SLC35D2: variants seen among roughly 807,000 people sequenced by gnomAD.
SLC35D2 encodes the protein solute carrier family 35 member D2.
SLC35D2 carries 43 observed loss-of-function variants against 41.8 expected under a neutral mutation model. That is an observed-to-expected ratio of 1.03 (90% CI 0.81 to 1.33). The LOEUF is 1.33. SLC35D2 is among the 40% of genes most tolerant of loss of function. The pLI is 0.00. For synonymous variants in SLC35D2, 150 were observed against 163.9 expected, an observed-to-expected ratio of 0.92 and a Z score of 0.65; for missense variants, 380 against 408.4, an observed-to-expected ratio of 0.93 and a Z score of 0.60.
chr9:96,314,842 A>G (rs1156603610), exon 12 of SLC35D2: 4 of 152,192 alleles, frequency 2.6e-5, no homozygotes, highest in Admixed American at 2.6e-4. Context: ...AGGAACCGAG[A>G]AGAGAATGAC....
At chr9:96,319,794 C>A (rs575905286), downstream of SLC35D2, among the ~76,000 whole-genome samples, 11 of 152,318 alleles carry the variant, frequency 7.2e-5, no homozygotes, top group African/African-American at 2.6e-4. Flanking sequence ...ACCGCCGCAC[C>A]CAGCCACATA....
rs745811048 is a variant in SLC35D2, at chr9:96,344,529, A to AAAAT, written c.592-534_592-533insATTT. ...ACCGTTAAAAAAAAAAAAAAAAAAA[A>AAAAT]GGCCATGCAGGGGAAAAAAAAAAAA... On this transcript the variant is annotated intron_variant, in intron 7 of 11. Coordinates refer to ENST00000253270, the MANE Select transcript of SLC35D2 (RefSeq NM_007001.3). Among the ~76,000 whole-genome samples, 515 of 69,686 alleles carry AAAAT rather than the reference A, an allele frequency of 7.4e-3. 18 individuals are homozygous for AAAAT. The highest frequency in any genetic ancestry group is 0.041 in the African/African-American group (497 of 12,252). The allele number at this position is 69,686 out of a possible 152,430, so 45.7% of individuals were successfully genotyped here.
In SLC35D2 at chr9:96,337,720, G is replaced by A. The variant is rs186887896; in HGVS notation, c.685-936C>T. On this transcript the variant is annotated intron_variant, in intron 8 of 11. Coordinates refer to ENST00000253270, the MANE Select transcript of SLC35D2 (RefSeq NM_007001.3). ...TTTTTGGCCGGGCGCAGTGGCTCAC[G>A]CTTGTAATCCCAGCACTTTGGGAGG... Among the ~76,000 whole-genome samples, 882 of 151,948 alleles carry A rather than the reference G, an allele frequency of 5.8e-3. 3 individuals carry two copies. Among genetic ancestry groups the A allele is most frequent in the Non-Finnish European group, 7.6e-3 (516 of 67,984 alleles).
intron 1 of SLC35D2, among the ~76,000 whole-genome samples, chr9:96,372,099 T>A (rs1156412867): frequency 6.6e-6 from 1 of 152,204 alleles, no homozygotes. Context: ...GCAGCCAGCA[T>A]GACCCGAGCT....
At chr9:96,366,664 C>T (rs1830486543) in intron 2 of SLC35D2, among the ~76,000 whole-genome samples, 1 of 150,822 alleles carries the variant, frequency 6.6e-6, no homozygotes, top group Non-Finnish European at 1.5e-5. Flanking sequence ...TTAGTAGAGA[C>T]TGAGTTTCAC....
chr9:96,324,862 T>A lies in SLC35D2; in HGVS notation c.753-693A>T, dbSNP rs540364739. ...GAGCCACCGCGCCTGGCCCGCCTGC[T>A]GCACTTCCAACACACAACGAACGAT... On this transcript the variant is annotated intron_variant, in intron 9 of 11. Coordinates refer to ENST00000253270, the MANE Select transcript of SLC35D2 (RefSeq NM_007001.3). Among the ~76,000 whole-genome samples, 4 of 152,178 alleles carry A rather than the reference T, an allele frequency of 2.6e-5. No homozygotes were observed. The South Asian group carries it at 8.3e-4, about 32-fold the overall frequency.
At chr9:96,358,107 T>C (rs993737200) in intron 4 of SLC35D2, among the ~76,000 whole-genome samples, 5 of 138,504 alleles carry the variant, frequency 3.6e-5, no homozygotes, top group African/African-American at 1.1e-4. Flanking sequence ...TATATATATA[T>C]ACCTGCAATG....
Position 96,358,105 on chromosome 9 carries a change from T to TATATATATATAC in SLC35D2, c.347+2048_347+2049insGTATATATATAT, listed in dbSNP as rs546410635. 2.8e-3 allele frequency among the ~76,000 whole-genome samples: 403 copies of TATATATATATAC among 143,466 alleles called. 1 individual carries two copies. Among genetic ancestry groups the TATATATATATAC allele is most frequent in the Middle Eastern group, 7.2e-3 (2 of 276 alleles). The allele number at this position is 143,466 out of a possible 152,430, so 94.1% of individuals were successfully genotyped here. ...TTATATATATATATATATATATATA[T>TATATATATATAC]ATACCTGCAATGGAATATTAATCAG... On this transcript the variant is annotated intron_variant, in intron 4 of 11. Transcript: ENST00000253270.
At chr9:96,333,410 C>T (rs987632474) in intron 9 of SLC35D2, among the ~76,000 whole-genome samples, 2 of 150,712 alleles carry the variant, frequency 1.3e-5, no homozygotes, top group African/African-American at 2.4e-5. Context: ...TCCTGGCTAA[C>T]ACGGTGAAAC....
chr9:96,323,942 A>G (rs931384147), intron 10 of SLC35D2, 149 bp downstream of exon 10: 1 of 592,492 alleles, frequency 1.7e-6, no homozygotes, highest in African/African-American at 1.9e-5. Flanking sequence ...AAAAAGAAGT[A>G]AGATGGGATC....
chr9:96,333,190 C>A (rs1828888371), intron 9 of SLC35D2, among the ~76,000 whole-genome samples: 1 of 151,702 alleles, frequency 6.6e-6, no homozygotes, highest in South Asian at 2.1e-4. Flanking sequence ...AGCCACTGCG[C>A]CTGGCCTGAA....
intron 1 of SLC35D2, among the ~76,000 whole-genome samples, chr9:96,370,256 T>G (rs940990593): frequency 2.0e-5 from 3 of 152,208 alleles, no homozygotes; most frequent in Non-Finnish European, 4.4e-5. Flanking sequence ...TAATTCTGCC[T>G]CCTGGCATCA....
intron 3 of SLC35D2, among the ~76,000 whole-genome samples, chr9:96,363,888 A>G (rs1187113455): frequency 6.6e-6 from 1 of 152,244 alleles, no homozygotes; most frequent in Non-Finnish European, 1.5e-5. Context: ...AAAGTTTGCC[A>G]ATGCCTAATT....
At chr9:96,375,964 C>T (rs1830933254) in intron 1 of SLC35D2, among the ~76,000 whole-genome samples, 1 of 151,890 alleles carries the variant, frequency 6.6e-6, no homozygotes, top group South Asian at 2.1e-4. Context: ...AGTTCAAAAC[C>T]AGCCTGGCCA....
At chr9:96,359,629 G>A (rs1261150816) in intron 4 of SLC35D2, among the ~76,000 whole-genome samples, 3 of 151,786 alleles carry the variant, frequency 2.0e-5, no homozygotes, top group Admixed American at 1.3e-4. Context: ...GGTGGAGGTT[G>A]TAGTGAGTCA....
intron 9 of SLC35D2, among the ~76,000 whole-genome samples, chr9:96,332,231 T>G (rs112040894): frequency 3.9e-4 from 60 of 152,306 alleles, no homozygotes; most frequent in African/African-American, 1.4e-3. Flanking sequence ...GCCTCGAGTC[T>G]GGAGTTGCGG....
chr9:96,359,429 C>T (rs1830173353), intron 4 of SLC35D2, among the ~76,000 whole-genome samples: 1 of 152,082 alleles, frequency 6.6e-6, no homozygotes, highest in South Asian at 2.1e-4. Context: ...GTGGCTCACA[C>T]CTGTAATCCC....
At chr9:96,333,309 A>C (rs1208808087) in intron 9 of SLC35D2, among the ~76,000 whole-genome samples, 4 of 151,284 alleles carry the variant, frequency 2.6e-5, no homozygotes, top group Admixed American at 1.3e-4. Flanking sequence ...AAAGTATGGA[A>C]TTGTAGGCCG....
chr9:96,381,162 C>G (rs183898368), intron 1 of SLC35D2, among the ~76,000 whole-genome samples: 11 of 152,350 alleles, frequency 7.2e-5, no homozygotes, highest in African/African-American at 2.4e-4. Flanking sequence ...CATGTCAAAA[C>G]CTTCCAAGGG....
Sources: allele counts gnomAD v4.1 joint callset (sites outside exome capture counted in the v4.1 genomes callset), GRCh38; gene constraint gnomAD v4.1.1; transcripts MANE v1.5; gene names NCBI Gene and HGNC (gene_info 2026-07-23, HGNC 2026-07-21).